Variants in NTM observed in about 807,000 individuals in gnomAD.
NTM encodes neurotrimin.
NTM carries 13 observed loss-of-function variants against 42.1 expected under a neutral mutation model. The ratio of observed to expected loss-of-function variants is 0.31; its 90% CI spans 0.20 to 0.49. The LOEUF (loss-of-function observed/expected upper bound fraction) is 0.49, where lower values mean the gene tolerates loss of function less well. NTM is among the 20% of genes least tolerant of loss of function. NTM has a pLI of 0.99. For synonymous variants in NTM, 187 were observed against 179.2 expected, an observed-to-expected ratio of 1.04 and a Z score of -0.35; for missense variants, 373 against 452.8, an observed-to-expected ratio of 0.82 and a Z score of 1.60.
At chr11:132,065,786 T>G (rs373828513) in intron 2 of NTM, among the ~76,000 whole-genome samples, 5 of 152,334 alleles carry the variant, frequency 3.3e-5, no homozygotes, top group African/African-American at 9.6e-5. Flanking sequence ...CATACATTAG[T>G]TCATCGTAAC....
chr11:132,202,866 T>C (rs1328460109), intron 3 of NTM, among the ~76,000 whole-genome samples: 1 of 152,162 alleles, frequency 6.6e-6, no homozygotes, highest in African/African-American at 2.4e-5. Context: ...TAGGTTTTTT[T>C]CCTAGAGCTT....
chr11:131,426,822 A>T (rs142930969), intron 1 of NTM, among the ~76,000 whole-genome samples: 1 of 152,162 alleles, frequency 6.6e-6, no homozygotes, highest in Non-Finnish European at 1.5e-5. Context: ...AGTGTAAAGC[A>T]GTGGAGTAAA....
At chr11:132,059,959 AT>A (rs1471251032) in intron 2 of NTM, among the ~76,000 whole-genome samples, 1 of 151,926 alleles carries the variant, frequency 6.6e-6, no homozygotes, top group Non-Finnish European at 1.5e-5. Flanking sequence ...GGAGGTGCCT[AT>A]TTCTTCCAGA....
chr11:131,834,357 A>G (rs948352304), intron 1 of NTM, among the ~76,000 whole-genome samples: 6 of 152,106 alleles, frequency 3.9e-5, no homozygotes, highest in Non-Finnish European at 8.8e-5. Flanking sequence ...ATTTAATTCC[A>G]TGGTTTCTGC....
At chr11:132,172,683 G>C (rs1028543828) in intron 3 of NTM, among the ~76,000 whole-genome samples, 3 of 152,176 alleles carry the variant, frequency 2.0e-5, no homozygotes, top group Non-Finnish European at 4.4e-5. Context: ...ATAGTGGAGA[G>C]TTCCAGGTCA....
At chr11:131,560,694 A>G (rs1389469894) in intron 1 of NTM, among the ~76,000 whole-genome samples, 1 of 152,248 alleles carries the variant, frequency 6.6e-6, no homozygotes, top group African/African-American at 2.4e-5. Context: ...CAATAAGCAC[A>G]ACCATTTCTT....
At chr11:131,787,321 T>C (rs1168152483) in intron 1 of NTM, among the ~76,000 whole-genome samples, 1 of 149,010 alleles carries the variant, frequency 6.7e-6, no homozygotes, top group Admixed American at 6.7e-5. Flanking sequence ...CTTCACAGTA[T>C]TTTTATTAGA....
intron 2 of NTM, among the ~76,000 whole-genome samples, chr11:131,968,309 C>T (rs2063095368): frequency 6.6e-6 from 1 of 152,196 alleles, no homozygotes; most frequent in African/African-American, 2.4e-5. Flanking sequence ...TGTTTGCTCT[C>T]TGGAGACAGA....
In NTM at chr11:131,553,096, G is replaced by A. The variant is rs559727571; in HGVS notation, c.82+182208G>A. On this transcript the variant is annotated intron_variant, in intron 1 of 8. Transcript: ENST00000683400. Reference sequence around the variant, plus strand: ...GGTAAAACTTTAAAAAGGAAAAATCGAGGGCATGGTTATAATAAAAGTGAG... The same window carrying A: ...GGTAAAACTTTAAAAAGGAAAAATCAAGGGCATGGTTATAATAAAAGTGAG... Among the ~76,000 whole-genome samples, 214 of 152,238 alleles carry A rather than the reference G, an allele frequency of 1.4e-3. 2 individuals carry two copies. The highest frequency in any genetic ancestry group is 2.6e-3 in the Non-Finnish European group (174 of 68,026).
At chr11:132,049,781 T>C (rs2078590277) in intron 2 of NTM, among the ~76,000 whole-genome samples, 1 of 152,080 alleles carries the variant, frequency 6.6e-6, no homozygotes, top group African/African-American at 2.4e-5. Context: ...GGAGGGACAT[T>C]TCAGTCTAGC....
At chr11:131,978,817 T>G (rs181094873) in intron 2 of NTM, among the ~76,000 whole-genome samples, 5 of 152,332 alleles carry the variant, frequency 3.3e-5, no homozygotes, top group Admixed American at 3.3e-4. Context: ...AACTTCAGAT[T>G]TGAAATGCAT....
intron 1 of NTM, among the ~76,000 whole-genome samples, chr11:131,736,969 T>A (rs1442786590): frequency 6.6e-6 from 1 of 152,202 alleles, no homozygotes. Flanking sequence ...GCAATGCCAT[T>A]GCAAGAGTCT....
At chr11:132,009,190 AAC>A (rs1488808112) in intron 2 of NTM, among the ~76,000 whole-genome samples, 1 of 152,196 alleles carries the variant, frequency 6.6e-6, no homozygotes, top group African/African-American at 2.4e-5. Context: ...AGCATTTTTA[AAC>A]ACACAGTGTG....
intron 3 of NTM, among the ~76,000 whole-genome samples, chr11:132,172,585 A>T (rs1479405339): frequency 1.3e-5 from 2 of 152,198 alleles, no homozygotes; most frequent in East Asian, 3.9e-4. Context: ...AAGCCAAAAA[A>T]GTTATTGGAA....
chr11:131,543,734 TTCA>T (rs1282215175), intron 1 of NTM, among the ~76,000 whole-genome samples: 1 of 152,194 alleles, frequency 6.6e-6, no homozygotes, highest in Non-Finnish European at 1.5e-5. Context: ...TGCCCAGTCC[TTCA>T]TCAGCTGGTG....
chr11:131,525,479 C>T (rs1565600348), intron 1 of NTM, among the ~76,000 whole-genome samples: 3 of 152,160 alleles, frequency 2.0e-5, no homozygotes, highest in African/African-American at 7.2e-5. Context: ...GCAGGGGCCA[C>T]ACCAGCATTT....
chr11:131,879,438 C>T (rs1171957299), intron 1 of NTM, among the ~76,000 whole-genome samples: 2 of 152,064 alleles, frequency 1.3e-5, no homozygotes, highest in Non-Finnish European at 1.5e-5. Context: ...TTTGGGTCAT[C>T]TTAATGATGA....
At chr11:131,949,874 C>T (rs1443593319) in intron 2 of NTM, among the ~76,000 whole-genome samples, 1 of 151,198 alleles carries the variant, frequency 6.6e-6, no homozygotes, top group South Asian at 2.1e-4. Flanking sequence ...ATCCATTCAT[C>T]CTATTGAGAC....
chr11:132,307,353 C>T lies in NTM; in HGVS notation c.527-336C>T, dbSNP rs559518432. On this transcript the variant is annotated intron_variant, in intron 4 of 8. Transcript: ENST00000683400. ...GATCAGAAAGAGTTAAGGTGCCTGA[C>T]TCAGATCCCAGAGCACGACGGCTTG... Among the ~76,000 whole-genome samples, 23 of 152,270 alleles carry T rather than the reference C, an allele frequency of 1.5e-4. No homozygotes were observed. In the South Asian group the frequency reaches 1.9e-3, roughly 12 times the overall value.
Sources: allele counts gnomAD v4.1 joint callset (sites outside exome capture counted in the v4.1 genomes callset), GRCh38; gene constraint gnomAD v4.1.1; transcripts MANE v1.5; gene names NCBI Gene and HGNC (gene_info 2026-07-23, HGNC 2026-07-21).